BEND7: variants seen among roughly 807,000 people sequenced by gnomAD.
The protein encoded by BEND7 is BEN domain-containing protein 7.
A neutral mutation model predicts 50.9 loss-of-function variants in BEND7; 28 were observed. The ratio of observed to expected loss-of-function variants is 0.55; its 90% CI spans 0.41 to 0.75. The LOEUF (loss-of-function observed/expected upper bound fraction) is 0.75. Ranked by LOEUF, BEND7 falls within the 30% of genes least tolerant of loss-of-function variation. BEND7 has a pLI of 0.00. For synonymous variants in BEND7, 170 were observed against 183.9 expected (o/e 0.92, Z 0.61); for missense variants, 477 against 491.3 (o/e 0.97, Z 0.28).
At chr10:13,441,867 C>G (rs905306038) in intron 8 of BEND7, 117 bp from the exon 9 acceptor site, 3 of 1,037,846 alleles carry the variant, frequency 2.9e-6, no homozygotes, top group Non-Finnish European at 2.9e-6. Flanking sequence ...TTGTAGCCCC[C>G]CAAAAGAAGA....
chr10:13,524,406 G>A (rs2079291571), intron 2 of BEND7, among the ~76,000 whole-genome samples: 1 of 152,194 alleles, frequency 6.6e-6, no homozygotes, highest in African/African-American at 2.4e-5. Context: ...ACTTTGGGAG[G>A]CTGAGGCAGG....
chr10:13,481,519 T>G (rs1383323857), intron 5 of BEND7, among the ~76,000 whole-genome samples: 13 of 152,186 alleles, frequency 8.5e-5, no homozygotes. Flanking sequence ...TCAAATGTGC[T>G]CAGTGCAGTA....
At chr10:13,442,016 C>T (rs755861759) in intron 8 of BEND7, 1 of 485,404 alleles carries the variant, frequency 2.1e-6, no homozygotes, top group Non-Finnish European at 3.7e-6. Flanking sequence ...TTTGGTGGAA[C>T]AGGGATTTAT....
intron 2 of BEND7, among the ~76,000 whole-genome samples, chr10:13,516,468 G>C (rs1053576083): frequency 1.3e-5 from 2 of 152,216 alleles, no homozygotes; most frequent in Admixed American, 1.3e-4. Flanking sequence ...GCTCACGCTG[G>C]TAATTCCAGC....
At chr10:13,486,846 G>C (rs957727141) in intron 5 of BEND7, among the ~76,000 whole-genome samples, 11 of 152,074 alleles carry the variant, frequency 7.2e-5, no homozygotes, top group African/African-American at 2.4e-4. Flanking sequence ...CTGAAGACTA[G>C]GGCTTGATTT....
intron 2 of BEND7, among the ~76,000 whole-genome samples, chr10:13,504,038 C>A (rs945407885): frequency 4.6e-5 from 7 of 152,168 alleles, no homozygotes; most frequent in African/African-American, 1.7e-4. Context: ...CTTTGGCAGA[C>A]AGGAAGAAAG....
chr10:13,488,086 C>CAAA (rs753018197), intron 5 of BEND7, among the ~76,000 whole-genome samples: 3 of 68,506 alleles, frequency 4.4e-5, no homozygotes, highest in Non-Finnish European at 7.2e-5. Flanking sequence ...GTCTCAATTA[C>CAAA]AAAAAAAAAA....
chr10:13,458,518 C>T (rs1188295380), intron 6 of BEND7, among the ~76,000 whole-genome samples: 3 of 152,206 alleles, frequency 2.0e-5, no homozygotes, highest in East Asian at 1.9e-4. Flanking sequence ...GCTTTCACAT[C>T]GCTGTGAAAT....
At chr10:13,482,688 T>A (rs1319337149) in intron 5 of BEND7, among the ~76,000 whole-genome samples, 2 of 152,218 alleles carry the variant, frequency 1.3e-5, no homozygotes, top group Non-Finnish European at 1.5e-5. Context: ...CACTTTGCCA[T>A]TCCATGTTTG....
intron 6 of BEND7, among the ~76,000 whole-genome samples, chr10:13,465,171 TACTTA>T (rs2074106032): frequency 6.6e-6 from 1 of 152,238 alleles, no homozygotes; most frequent in South Asian, 2.1e-4. Flanking sequence ...TCTCGTCTGT[TACTTA>T]ACTTGAAGGA....
intron 8 of BEND7, chr10:13,442,502 A>C (rs566465624): frequency 6.6e-6 from 1 of 152,380 alleles, no homozygotes; most frequent in Admixed American, 6.5e-5. Flanking sequence ...AAATACCTTC[A>C]TGGCAAGATA....
chr10:13,514,109 G>A (rs1467103461), intron 2 of BEND7, among the ~76,000 whole-genome samples: 1 of 151,516 alleles, frequency 6.6e-6, no homozygotes, highest in African/African-American at 2.4e-5. Flanking sequence ...CTCAAGGGCC[G>A]TATTCCTTAA....
chr10:13,517,021 T>C (rs148522579), intron 2 of BEND7, among the ~76,000 whole-genome samples: 10 of 151,562 alleles, frequency 6.6e-5, no homozygotes, highest in African/African-American at 2.2e-4. Flanking sequence ...GCAGAACAAA[T>C]AAATTAAGCA....
intron 6 of BEND7, among the ~76,000 whole-genome samples, chr10:13,456,115 T>C (rs1838903785): frequency 6.6e-6 from 1 of 152,042 alleles, no homozygotes; most frequent in Non-Finnish European, 1.5e-5. Context: ...TGAACTCACC[T>C]CTCTACTCCT....
intron 6 of BEND7, among the ~76,000 whole-genome samples, chr10:13,456,998 A>G (rs1839118830): frequency 6.6e-6 from 1 of 152,232 alleles, no homozygotes; most frequent in Non-Finnish European, 1.5e-5. Flanking sequence ...ATAGAACAAA[A>G]TATTTCTATT....
intron 8 of BEND7, chr10:13,444,252 A>T (rs1588603401): frequency 6.6e-6 from 1 of 152,164 alleles, no homozygotes; most frequent in Non-Finnish European, 1.5e-5. Flanking sequence ...AGGCTTAGTG[A>T]ATAGGGTTAA....
chr10:13,492,506 T>C (rs1470166938), intron 5 of BEND7, 105 bp downstream of exon 5: 8 of 1,395,426 alleles, frequency 5.7e-6, no homozygotes, highest in Admixed American at 4.5e-5. Flanking sequence ...TTCCCACATA[T>C]AGTCTGCAAG....
Position 13,441,536 on chromosome 10 carries a change from G to A in BEND7, c.*207C>T. On this transcript the variant is annotated 3_prime_UTR_variant, in exon 9 of 9. Transcript: ENST00000466271. ...CGCCTTGGAAGGCAGTGCTTCTGAAGGTTCCCAGCAGATCTCTTAACAGAC... is the reference window on the plus strand; with the variant it reads ...CGCCTTGGAAGGCAGTGCTTCTGAAAGTTCCCAGCAGATCTCTTAACAGAC... 7.1e-7 allele frequency: 1 copy of A among 1,398,752 alleles called. No homozygotes were observed. The highest frequency in any genetic ancestry group is 2.6e-5 in the East Asian group (1 of 38,260). The allele number at this position is 1,398,752 out of a possible 1,614,324, so 86.6% of individuals were successfully genotyped here.
intron 2 of BEND7, among the ~76,000 whole-genome samples, chr10:13,518,911 C>T (rs1283972111): frequency 6.6e-6 from 1 of 152,190 alleles, no homozygotes; most frequent in Non-Finnish European, 1.5e-5. Context: ...ACGGATACAG[C>T]ATTGTGCTAG....
Sources: allele counts gnomAD v4.1 joint callset (sites outside exome capture counted in the v4.1 genomes callset), GRCh38; gene constraint gnomAD v4.1.1; transcripts MANE v1.5; gene names NCBI Gene and HGNC (gene_info 2026-07-23, HGNC 2026-07-21).